DOCK3: variants seen among roughly 807,000 people sequenced by gnomAD.
DOCK3 encodes dedicator of cytokinesis 3.
A neutral mutation model predicts 265.6 loss-of-function variants in DOCK3; 60 were observed. That is an observed-to-expected ratio of 0.23 (90% confidence interval 0.18 to 0.28). The LOEUF is 0.28. Among genes scored for constraint, DOCK3 ranks in the 10% least tolerant of loss-of-function variants. DOCK3 has a pLI of 1.00. For missense variants in DOCK3, 1,981 were observed against 2,594.3 expected (o/e 0.76, Z 5.14); for synonymous variants, 881 against 938.0 (o/e 0.94, Z 1.11).
chr3:50,973,059 T>TTTTC (rs1313409610), intron 5 of DOCK3, among the ~76,000 whole-genome samples: 14 of 143,528 alleles, frequency 9.8e-5, no homozygotes, highest in Non-Finnish European at 2.1e-4. Flanking sequence ...CTTTTTTTTT[T>TTTTC]TTTTTTTTTT....
At chr3:50,846,808 G>A (rs537025225) in intron 3 of DOCK3, among the ~76,000 whole-genome samples, 4 of 152,086 alleles carry the variant, frequency 2.6e-5, no homozygotes, top group African/African-American at 7.2e-5. Flanking sequence ...GATCTTCTAC[G>A]TGTTCCTAAT....
intron 46 of DOCK3, among the ~76,000 whole-genome samples, chr3:51,360,037 C>T (rs2086619689): frequency 6.6e-6 from 1 of 152,196 alleles, no homozygotes; most frequent in Non-Finnish European, 1.5e-5. Flanking sequence ...GTTCTGTCTC[C>T]CCGTAGACTG....
At chr3:51,070,283 G>A (rs2081803588) in intron 6 of DOCK3, among the ~76,000 whole-genome samples, 1 of 152,266 alleles carries the variant, frequency 6.6e-6, no homozygotes, top group South Asian at 2.1e-4. Context: ...AAACAGTTAT[G>A]ACTAAATTGA....
At chr3:51,294,791 C>T in intron 27 of DOCK3, among the ~76,000 whole-genome samples, 1 of 151,552 alleles carries the variant, frequency 6.6e-6, no homozygotes. Context: ...AGACATTGGT[C>T]AGTGGGTGCA....
chr3:50,922,706 TG>T (rs1439775025), intron 4 of DOCK3, among the ~76,000 whole-genome samples: 1 of 152,214 alleles, frequency 6.6e-6, no homozygotes, highest in African/African-American at 2.4e-5. Flanking sequence ...TTTTGTTTTT[TG>T]TTCTTGTCAA....
chr3:51,375,722 C>T lies in DOCK3; in HGVS notation c.5413-26C>T, dbSNP rs200559473. 1.6e-3 allele frequency: 2,527 copies of T among 1,613,792 alleles called. 1 individual carries two copies. The highest frequency in any genetic ancestry group is 2.0e-3 in the Non-Finnish European group (2,382 of 1,179,722). On this transcript the variant is annotated intron_variant, in intron 50 of 52. Coordinates refer to ENST00000266037, the MANE Select transcript of DOCK3 (RefSeq NM_004947.5). Reference sequence around the variant, plus strand: ...AGATATAATTGGTTGTTTTCACTCTCTGTAATGTTTATCTCCTTCCTTCAG... The same window carrying T: ...AGATATAATTGGTTGTTTTCACTCTTTGTAATGTTTATCTCCTTCCTTCAG...
intron 5 of DOCK3, among the ~76,000 whole-genome samples, chr3:50,945,438 A>T (rs1016949753): frequency 5.3e-5 from 8 of 152,194 alleles, no homozygotes; most frequent in African/African-American, 9.6e-5. Context: ...TAGTTACTGA[A>T]GATGACATGC....
Position 51,016,827 on chromosome 3 carries a change from T to C in DOCK3, c.316-47621T>C, listed in dbSNP as rs1413319817. Among the ~76,000 whole-genome samples the C allele has an allele frequency of 1.4e-3, 5 of 3,578 alleles. 2 individuals carry two copies. The highest frequency in any genetic ancestry group is 4.0e-3 in the African/African-American group (5 of 1,252). The allele number at this position is 3,578 out of a possible 152,430, so 2.3% of individuals were successfully genotyped here. A position where few individuals can be genotyped will look rare whatever the true frequency, so the allele number is the denominator to read the frequency against. On this transcript the variant is annotated intron_variant, in intron 5 of 52. Coordinates refer to ENST00000266037, the MANE Select transcript of DOCK3 (RefSeq NM_004947.5). ...TATGTTTATATATATCATATATAAA[T>C]ATATATGATATATGTTTATATATAT...
chr3:51,341,385 G>C lies in DOCK3; in HGVS notation c.3915G>C (p.Lys1305Asn). ...RKIIHYFNKG[K>N]SWEFGIPLCR... is the part of the protein sequence containing the mutation. ...TCATTCACTACTTCAACAAAGGCAA[G>C]GTATGCATCATTAGGCAAGCCCTTT... The change falls in exon 38 of 53, where the codon AAG (lysine) becomes AAC (asparagine). Residue 1305 changes from lysine (K) to asparagine (N), a missense_variant and splice_region_variant. Lys to Asn is a moderately conservative substitution (Grantham distance 94, BLOSUM62 0). This residue lies in a region of DOCK3 where 1,357 missense variants were observed against 1,866.8 expected (regional missense o/e 0.73). Transcript: ENST00000266037. 1 of 1,613,570 alleles carries C rather than the reference G, an allele frequency of 6.2e-7. No homozygotes were observed.
intron 1 of DOCK3, among the ~76,000 whole-genome samples, chr3:50,758,477 T>C (rs1259857102): frequency 1.3e-5 from 2 of 152,172 alleles, no homozygotes; most frequent in Non-Finnish European, 2.9e-5. Context: ...ATTAAATTTA[T>C]AGTTTTAACC....
At chr3:50,786,007 G>T (rs1162531678) in intron 2 of DOCK3, among the ~76,000 whole-genome samples, 1 of 151,256 alleles carries the variant, frequency 6.6e-6, no homozygotes, top group African/African-American at 2.4e-5. Flanking sequence ...TGTCTGTTCA[G>T]AGTTTCTGTA....
intron 32 of DOCK3, among the ~76,000 whole-genome samples, chr3:51,322,805 T>A (rs1441088801): frequency 6.6e-6 from 1 of 152,124 alleles, no homozygotes; most frequent in African/African-American, 2.4e-5. Context: ...CATAACAATA[T>A]TAACCTTAAA....
At chr3:50,988,711 A>G (rs912472679) in intron 5 of DOCK3, among the ~76,000 whole-genome samples, 2 of 152,134 alleles carry the variant, frequency 1.3e-5, no homozygotes, top group Non-Finnish European at 2.9e-5. Context: ...TGACACCTCC[A>G]GGTACTGGAA....
chr3:51,184,202 T>C (rs1458852264), intron 12 of DOCK3, among the ~76,000 whole-genome samples: 1 of 151,432 alleles, frequency 6.6e-6, no homozygotes, highest in Non-Finnish European at 1.5e-5. Flanking sequence ...TCCCAGCTAC[T>C]CAGGAGGCTG....
intron 9 of DOCK3, among the ~76,000 whole-genome samples, chr3:51,133,039 C>G (rs1342641967): frequency 6.6e-6 from 1 of 152,128 alleles, no homozygotes; most frequent in Non-Finnish European, 1.5e-5. Context: ...CCTCAGGACC[C>G]ACCCCCAACA....
chr3:51,177,817 C>T (rs2087040472), intron 12 of DOCK3, among the ~76,000 whole-genome samples: 2 of 151,886 alleles, frequency 1.3e-5, no homozygotes. Flanking sequence ...ATGGTGAAAC[C>T]CCCTCTCTAC....
chr3:51,116,238 T>C (rs1443899178), intron 9 of DOCK3, among the ~76,000 whole-genome samples: 1 of 152,042 alleles, frequency 6.6e-6, no homozygotes, highest in Non-Finnish European at 1.5e-5. Flanking sequence ...GATCATGATG[T>C]CAGGAGATCA....
At chr3:51,317,575 A>G (rs1189613504) in intron 32 of DOCK3, among the ~76,000 whole-genome samples, 1 of 122,392 alleles carries the variant, frequency 8.2e-6, no homozygotes, top group East Asian at 2.4e-4. Flanking sequence ...GCGAGACTCC[A>G]TCACAAAATA....
chr3:51,055,011 A>AT (rs1324882355), intron 5 of DOCK3, among the ~76,000 whole-genome samples: 1 of 152,150 alleles, frequency 6.6e-6, no homozygotes, highest in Non-Finnish European at 1.5e-5. Context: ...ATATTTAAGA[A>AT]TGAGGCATTA....
Sources: allele counts gnomAD v4.1 joint callset (sites outside exome capture counted in the v4.1 genomes callset), GRCh38; gene constraint gnomAD v4.1.1; regional missense constraint gnomAD v4.1.1; transcripts MANE v1.5; gene names NCBI Gene and HGNC (gene_info 2026-07-23, HGNC 2026-07-21).